Variants in CAMK4 observed in about 807,000 individuals in gnomAD.
CAMK4 encodes calcium/calmodulin-dependent protein kinase type IV.
CAMK4 carries 22 observed loss-of-function variants against 44.9 expected under a neutral mutation model. The observed-to-expected ratio is 0.49, with a 90% confidence interval of 0.35 to 0.70. The LOEUF (loss-of-function observed/expected upper bound fraction) is 0.70. CAMK4 is among the 30% of genes least tolerant of loss of function. The pLI is 0.01. For synonymous variants in CAMK4, 218 were observed against 215.4 expected (o/e 1.01, Z -0.11); for missense variants, 498 against 586.8 (o/e 0.85, Z 1.56).
chr5:111,323,974 G>A (rs1331535743), intron 1 of CAMK4, among the ~76,000 whole-genome samples: 1 of 151,996 alleles, frequency 6.6e-6, no homozygotes, highest in Non-Finnish European at 1.5e-5. Flanking sequence ...AGCAAGAGGA[G>A]GTGGTTAAAT....
At chr5:111,352,321 G>T (rs1353833690) in intron 2 of CAMK4, among the ~76,000 whole-genome samples, 1 of 151,726 alleles carries the variant, frequency 6.6e-6, no homozygotes, top group African/African-American at 2.4e-5. Context: ...TTCAAGGTGA[G>T]AAAACTAAGG....
At chr5:111,479,641 G>A (rs1041137816) in intron 9 of CAMK4, among the ~76,000 whole-genome samples, 4 of 152,126 alleles carry the variant, frequency 2.6e-5, no homozygotes, top group African/African-American at 4.8e-5. Context: ...GACATTATTA[G>A]GGCTGATCCA....
chr5:111,398,618 A>G (rs1480746191), intron 5 of CAMK4, among the ~76,000 whole-genome samples: 2 of 152,214 alleles, frequency 1.3e-5, no homozygotes, highest in African/African-American at 4.8e-5. Context: ...CTTGTTTATC[A>G]TGTAGGAATT....
chr5:111,383,278 CT>C (rs1446668481), intron 4 of CAMK4, among the ~76,000 whole-genome samples: 4 of 152,108 alleles, frequency 2.6e-5, no homozygotes, highest in Non-Finnish European at 5.9e-5. Flanking sequence ...TCTTCTTCCT[CT>C]GAAGCAGAAA....
At chr5:111,400,486 T>C (rs940330966) in intron 5 of CAMK4, among the ~76,000 whole-genome samples, 1 of 152,148 alleles carries the variant, frequency 6.6e-6, no homozygotes, top group African/African-American at 2.4e-5. Flanking sequence ...AACTTAAAGA[T>C]TGAAAAGTTC....
At chr5:111,394,376 C>T (rs1189110036) in intron 4 of CAMK4, among the ~76,000 whole-genome samples, 3 of 152,030 alleles carry the variant, frequency 2.0e-5, no homozygotes, top group African/African-American at 7.2e-5. Flanking sequence ...ACAGATAAAG[C>T]TATGTGACAA....
chr5:111,451,751 T>A (rs1754245588), intron 7 of CAMK4, among the ~76,000 whole-genome samples: 1 of 151,986 alleles, frequency 6.6e-6, no homozygotes, highest in Admixed American at 6.6e-5. Context: ...ACAAAATAAT[T>A]AGCTGGGCAT....
chr5:111,300,783 G>T (rs1325811866), intron 1 of CAMK4, among the ~76,000 whole-genome samples: 3 of 152,118 alleles, frequency 2.0e-5, no homozygotes, highest in Admixed American at 1.3e-4. Flanking sequence ...AAAAGCAAAT[G>T]AAGTTATTTT....
chr5:111,314,010 G>A (rs1486667806), intron 1 of CAMK4, among the ~76,000 whole-genome samples: 1 of 152,084 alleles, frequency 6.6e-6, no homozygotes, highest in Admixed American at 6.6e-5. Context: ...GTATTCTTAA[G>A]TGTGTGTCTT....
At chr5:111,342,480 A>T (rs1363570494) in intron 1 of CAMK4, among the ~76,000 whole-genome samples, 1 of 151,450 alleles carries the variant, frequency 6.6e-6, no homozygotes, top group Non-Finnish European at 1.5e-5. Flanking sequence ...GCACCAACCT[A>T]ATGTATCATT....
At chr5:111,361,166 C>T (rs1043319605) in intron 2 of CAMK4, among the ~76,000 whole-genome samples, 1 of 151,910 alleles carries the variant, frequency 6.6e-6, no homozygotes, top group African/African-American at 2.4e-5. Context: ...TTCCATTGAA[C>T]CCTAAGATGT....
Position 111,348,161 on chromosome 5 carries a change from A to T in CAMK4, c.240+4059A>T, listed in dbSNP as rs373152867. On this transcript the variant is annotated intron_variant, in intron 2 of 10. Transcript: ENST00000282356. Reference sequence around the variant, plus strand: ...CAAATTCCATTTTGCGGCAATATGAAGGTCTTCTCTCATAGCTTAATAAAA... The same window carrying T: ...CAAATTCCATTTTGCGGCAATATGATGGTCTTCTCTCATAGCTTAATAAAA... 4.6e-5 allele frequency among the ~76,000 whole-genome samples: 7 copies of T among 152,018 alleles called. No homozygotes were observed. The East Asian group carries it at 9.7e-4, about 21-fold the overall frequency.
At chr5:111,446,612 T>G (rs1395839866) in intron 5 of CAMK4, 74 bp from the exon 6 acceptor site, 3 of 772,656 alleles carry the variant, frequency 3.9e-6, no homozygotes, top group Non-Finnish European at 6.5e-6. Context: ...TTATAGTTCT[T>G]AAAAGATTAA....
intron 1 of CAMK4, among the ~76,000 whole-genome samples, chr5:111,283,963 G>A (rs150618416): frequency 1.3e-5 from 2 of 152,082 alleles, no homozygotes; most frequent in African/African-American, 2.4e-5. Context: ...TGTGAATTGT[G>A]TCCTAAAGTT....
chr5:111,385,113 A>T (rs1214760361), intron 4 of CAMK4, among the ~76,000 whole-genome samples: 1 of 152,178 alleles, frequency 6.6e-6, no homozygotes. Context: ...CAATATCACA[A>T]ATTTTTTTAA....
intron 1 of CAMK4, among the ~76,000 whole-genome samples, chr5:111,328,568 G>T (rs1181468591): frequency 1.3e-5 from 2 of 152,058 alleles, no homozygotes; most frequent in African/African-American, 4.8e-5. Flanking sequence ...GTAGCTTGAT[G>T]GGGATGGCAT....
chr5:111,405,319 T>C (rs1280755515), intron 5 of CAMK4, among the ~76,000 whole-genome samples: 1 of 152,034 alleles, frequency 6.6e-6, no homozygotes, highest in African/African-American at 2.4e-5. Flanking sequence ...AATACAAAAA[T>C]TAGCTGGGCA....
In CAMK4 at chr5:111,412,875, C is replaced by A. The variant is rs188382606; in HGVS notation, c.459+18093C>A. Among the ~76,000 whole-genome samples, 14 of 152,254 alleles carry A rather than the reference C, an allele frequency of 9.2e-5. No individual in the cohort carries two copies. The East Asian group carries it at 1.7e-3, about 19-fold the overall frequency. ...GTTACCACCCTTTTCCTAGAAATTTCTACATAATCCAACCCTTAATTTATA... is the reference window on the plus strand; with the variant it reads ...GTTACCACCCTTTTCCTAGAAATTTATACATAATCCAACCCTTAATTTATA... On this transcript the variant is annotated intron_variant, in intron 5 of 10. Coordinates refer to ENST00000282356, the MANE Select transcript of CAMK4 (RefSeq NM_001744.6).
Position 111,478,377 on chromosome 5 carries a change from C to T in CAMK4, c.702-4C>T, listed in dbSNP as rs745826711. 1.7e-5 allele frequency: 27 copies of T among 1,547,402 alleles called. No individual in the cohort carries two copies. The East Asian group carries it at 6.0e-4, about 34-fold the overall frequency. ...ATTTTATTCTCTATATTTTATTCCT[C>T]TAGACTTTGTGGATTTGAACCATTC... is the stretch of plus-strand genomic sequence containing the variant. On this transcript the variant is annotated splice_polypyrimidine_tract_variant and splice_region_variant and intron_variant, in intron 8 of 10. Coordinates refer to ENST00000282356, the MANE Select transcript of CAMK4 (RefSeq NM_001744.6).
Sources: allele counts gnomAD v4.1 joint callset (sites outside exome capture counted in the v4.1 genomes callset), GRCh38; gene constraint gnomAD v4.1.1; transcripts MANE v1.5; gene names NCBI Gene and HGNC (gene_info 2026-07-23, HGNC 2026-07-21).